The following DNASE2B variants were observed in gnomAD, a reference collection of about 807,000 sequenced individuals.
DNASE2B encodes deoxyribonuclease-2-beta.
A neutral mutation model predicts 46.0 loss-of-function variants in DNASE2B; 43 were observed. The observed-to-expected ratio is 0.94, with a 90% CI of 0.73 to 1.21. The LOEUF is 1.21. Among genes scored for constraint, DNASE2B ranks in the 50% most tolerant of loss-of-function variants. The pLI is 0.00. For missense variants in DNASE2B, 395 were observed against 414.4 expected (o/e 0.95, Z 0.41); for synonymous variants, 156 against 152.5 (o/e 1.02, Z -0.17).
intron 5 of DNASE2B, among the ~76,000 whole-genome samples, chr1:84,413,536 A>C (rs555546845): frequency 2.5e-4 from 38 of 152,338 alleles, no homozygotes; most frequent in African/African-American, 8.9e-4. Flanking sequence ...GGGAACACGC[A>C]GTCCCCTGGT....
intron 2 of DNASE2B, among the ~76,000 whole-genome samples, chr1:84,403,409 A>C (rs1267957001): frequency 6.6e-6 from 1 of 152,246 alleles, no homozygotes; most frequent in Non-Finnish European, 1.5e-5. Flanking sequence ...TAGAGAAAGG[A>C]AAATGTTATT....
intron 1 of DNASE2B, among the ~76,000 whole-genome samples, chr1:84,398,963 T>G (rs1465081565): frequency 6.6e-6 from 1 of 152,232 alleles, no homozygotes; most frequent in East Asian, 1.9e-4. Flanking sequence ...GGGATTGAGC[T>G]GACAGCTTCT....
chr1:84,403,234 T>C (rs1013937931), intron 2 of DNASE2B, among the ~76,000 whole-genome samples: 1 of 152,236 alleles, frequency 6.6e-6, no homozygotes, highest in Non-Finnish European at 1.5e-5. Context: ...CAAAAATTTA[T>C]GTACAACTTT....
At chr1:84,413,055 A>G (rs533106011) in intron 5 of DNASE2B, among the ~76,000 whole-genome samples, 5 of 141,430 alleles carry the variant, frequency 3.5e-5, no homozygotes, top group Non-Finnish European at 7.5e-5. Context: ...TCTGAAACCT[A>G]TCTCAGCCTC....
chr1:84,403,946 C>G (rs1027357534), intron 2 of DNASE2B, among the ~76,000 whole-genome samples: 1 of 131,596 alleles, frequency 7.6e-6, no homozygotes, highest in African/African-American at 2.9e-5. Flanking sequence ...ACCACCATGC[C>G]TGGCTAATTT....
chr1:84,400,350 A>C (rs1680383748), intron 1 of DNASE2B, among the ~76,000 whole-genome samples: 1 of 152,216 alleles, frequency 6.6e-6, no homozygotes, highest in Admixed American at 6.5e-5. Context: ...CCTGAATAAC[A>C]AGAATGAGAC....
At position 84,408,837 on chromosome 1, in the gene DNASE2B, T is replaced by C. The variant is rs1421970726; in HGVS notation, c.385+319T>C. ...AATTTTATATATATATATATATATA[T>C]GCACATGAATATGTATATATGTATA... On this transcript the variant is annotated intron_variant, in intron 3 of 5. Coordinates refer to ENST00000370665, the MANE Select transcript of DNASE2B (RefSeq NM_021233.3). Among the ~76,000 whole-genome samples the C allele has an allele frequency of 2.1e-5, 3 of 139,648 alleles. No individual in the cohort carries two copies. The Admixed American group carries it at 2.2e-4, about 10-fold the overall frequency. 91.6% of individuals were successfully genotyped at this position (139,648 alleles called of 152,430 possible). A position where few individuals can be genotyped will look rare whatever the true frequency, so the allele number is the denominator to read the frequency against.
intron 1 of DNASE2B, among the ~76,000 whole-genome samples, chr1:84,399,988 G>A (rs568169094): frequency 4.2e-4 from 64 of 152,234 alleles, no homozygotes; most frequent in Middle Eastern, 6.8e-3. Context: ...TTAAAGAAGC[G>A]GTCATGGAAA....
intron 1 of DNASE2B, 55 bp downstream of exon 1, chr1:84,398,744 G>A: frequency 6.3e-7 from 1 of 1,590,882 alleles, no homozygotes; most frequent in Non-Finnish European, 8.6e-7. Flanking sequence ...GTACAGAGTT[G>A]GCCTGGCTCA....
chr1:84,402,108 A>G (rs758864937), intron 2 of DNASE2B, 30 bp downstream of exon 2: 12 of 1,555,714 alleles, frequency 7.7e-6, no homozygotes, highest in African/African-American at 1.4e-5. Context: ...GTTCACTTGA[A>G]TAATATAAAA....
At chr1:84,401,222 G>A (rs1427628043) in intron 1 of DNASE2B, among the ~76,000 whole-genome samples, 1 of 152,142 alleles carries the variant, frequency 6.6e-6, no homozygotes, top group Admixed American at 6.5e-5. Flanking sequence ...TAGAGGGCAG[G>A]GATCTTACAA....
In DNASE2B at chr1:84,412,372, C is replaced by T. The variant is rs1322683906; in HGVS notation, c.571C>T (p.Pro191Ser). ...AIDSQLLVCNPNVYSCSIPAT... is the reference protein window; with the variant it reads ...AIDSQLLVCNSNVYSCSIPAT... ...AGATTCTCAGCTCTTGGTCTGCAAC[C>T]CCAACGTCTATAGCTGCTCCATCCC... The change falls in exon 5 of 6, where the codon CCC becomes TCC. Residue 191 changes from proline to serine, a missense_variant. Pro to Ser is a moderately conservative substitution (Grantham distance 74). Transcript: ENST00000370665. 2 of 1,568,706 alleles carry T rather than the reference C, an allele frequency of 1.3e-6. No individual in the cohort carries two copies. The highest frequency in any genetic ancestry group is 2.7e-5 in the African/African-American group (2 of 73,570).
intron 2 of DNASE2B, among the ~76,000 whole-genome samples, chr1:84,404,353 T>A (rs1292971518): frequency 1.3e-5 from 2 of 152,178 alleles, no homozygotes; most frequent in African/African-American, 4.8e-5. Context: ...CTGTCATAAA[T>A]CCTGTGAAGT....
chr1:84,398,573 G>C lies in DNASE2B; in HGVS notation c.9G>C (p.Gln3His), dbSNP rs3738573. The C allele has an allele frequency of 0.33, 532,412 of 1,613,260 alleles. 89,741 individuals are homozygous for C. The highest frequency in any genetic ancestry group is 0.42 in the East Asian group (18,647 of 44,846). MK[Q>H]KMMARLLRTS... ...GCTGTGGCATGAAATAAATGAAACA[G>C]AAAATGATGGCAAGACTGCTAAGAA... is the stretch of plus-strand genomic sequence containing the variant. The change falls in exon 1 of 6, where the codon CAG (glutamine) becomes CAC (histidine). Residue 3 changes from glutamine (Q) to histidine (H), a missense_variant. Coordinates refer to ENST00000370665, the MANE Select transcript of DNASE2B (RefSeq NM_021233.3).
Position 84,414,614 on chromosome 1 carries a change from A to G in DNASE2B, c.832A>G (p.Asn278Asp). The stretch of plus-strand genomic sequence containing the variant: ...GCGAAAAAGACAAGAGCTTCCTTCA[A>G]ACTGCTCCCTTCCTTACCATGTCTA... ...WQRKRQELPS[N>D]CSLPYHVYNI... is the part of the protein sequence containing the mutation. The change falls in exon 6 of 6, where the codon AAC becomes GAC. Residue 278 changes from asparagine (N) to aspartate (D), a missense_variant. By Grantham distance (23) the Asn-to-Asp change is conservative. Coordinates refer to ENST00000370665, the MANE Select transcript of DNASE2B (RefSeq NM_021233.3). 1 of 1,614,154 alleles carries G rather than the reference A, an allele frequency of 6.2e-7. No individual in the cohort carries two copies. Among genetic ancestry groups the G allele is most frequent in the Non-Finnish European group, 8.5e-7 (1 of 1,180,026 alleles).
chr1:84,402,118 A>T (rs1680432256), intron 2 of DNASE2B, 40 bp downstream of exon 2: 1 of 1,546,368 alleles, frequency 6.5e-7, no homozygotes, highest in Non-Finnish European at 8.7e-7. Flanking sequence ...ATAATATAAA[A>T]TGCATAAAAC....
At position 84,399,561 on chromosome 1, in the gene DNASE2B, G is replaced by T. The variant is rs532994690; in HGVS notation, c.125+872G>T. Among the ~76,000 whole-genome samples the T allele has an allele frequency of 2.6e-5, 4 of 152,310 alleles. No individual in the cohort carries two copies. The South Asian group carries it at 8.3e-4, about 32-fold the overall frequency. On this transcript the variant is annotated intron_variant, in intron 1 of 5. Coordinates refer to ENST00000370665, the MANE Select transcript of DNASE2B (RefSeq NM_021233.3). ...AAACTTCTCTAAGGATGTAATTTTTGAGCTAAGTTTTAAGAACAATTAAGA... is the reference window on the plus strand; with the variant it reads ...AAACTTCTCTAAGGATGTAATTTTTTAGCTAAGTTTTAAGAACAATTAAGA...
intron 2 of DNASE2B, among the ~76,000 whole-genome samples, chr1:84,402,429 C>A (rs891322880): frequency 5.9e-5 from 9 of 152,174 alleles, no homozygotes; most frequent in African/African-American, 1.7e-4. Context: ...TGTTACAGGG[C>A]AATACAGAAC....
At chr1:84,401,570 G>A (rs1558497164) in intron 1 of DNASE2B, among the ~76,000 whole-genome samples, 1 of 152,188 alleles carries the variant, frequency 6.6e-6, no homozygotes, top group African/African-American at 2.4e-5. Flanking sequence ...CAACTGCATG[G>A]TCTGGGCCTT....
Sources: gnomAD v4.1 joint callset for allele counts (sites outside exome capture counted in the v4.1 genomes callset) on GRCh38, gnomAD v4.1.1 for gene constraint, MANE v1.5 for transcripts, NCBI Gene and HGNC (gene_info 2026-07-23, HGNC 2026-07-21) for gene names.